PTPRG: variants seen among roughly 807,000 people sequenced by gnomAD.
PTPRG encodes protein tyrosine phosphatase receptor type G.
PTPRG carries 102 observed loss-of-function variants against 165.3 expected under a neutral mutation model. The ratio of observed to expected loss-of-function variants is 0.62; its 90% CI spans 0.53 to 0.73. PTPRG has a LOEUF of 0.73. Among genes scored for constraint, PTPRG ranks in the 30% least tolerant of loss-of-function variants. The pLI, the probability that PTPRG is intolerant of heterozygous loss-of-function variation, is 0.00. For missense variants in PTPRG, 1,866 were observed against 1,861.4 expected, an observed-to-expected ratio of 1.00 and a Z score of -0.05; for synonymous variants, 675 against 669.5, an observed-to-expected ratio of 1.01 and a Z score of -0.13.
intron 1 of PTPRG, among the ~76,000 whole-genome samples, chr3:61,729,751 T>TG (rs1366909469): frequency 6.6e-6 from 1 of 152,158 alleles, no homozygotes. Flanking sequence ...ATTTGAACAG[T>TG]GGTTATGGTT....
chr3:61,616,242 A>G (rs1189517152), intron 1 of PTPRG, among the ~76,000 whole-genome samples: 1 of 152,170 alleles, frequency 6.6e-6, no homozygotes, highest in Non-Finnish European at 1.5e-5. Context: ...GCGAGCCACC[A>G]TGCCCGGCTG....
chr3:62,266,832 A>G (rs566733831), intron 17 of PTPRG, among the ~76,000 whole-genome samples: 84 of 146,884 alleles, frequency 5.7e-4, no homozygotes, highest in African/African-American at 2.1e-3. Context: ...CTAGATACAC[A>G]TGTCATGCAT....
intron 8 of PTPRG, among the ~76,000 whole-genome samples, chr3:62,177,637 CT>C (rs1252223269): frequency 6.6e-6 from 1 of 152,184 alleles, no homozygotes; most frequent in East Asian, 1.9e-4. Flanking sequence ...CCGTCTTGTA[CT>C]TTCCTTCCCT....
At chr3:62,049,024 T>C (rs982350016) in intron 4 of PTPRG, among the ~76,000 whole-genome samples, 3 of 151,560 alleles carry the variant, frequency 2.0e-5, no homozygotes, top group Admixed American at 6.6e-5. Context: ...TCAGGAAATA[T>C]AAAATAGAAG....
chr3:61,941,079 C>T (rs910514337), intron 2 of PTPRG, among the ~76,000 whole-genome samples: 4 of 152,216 alleles, frequency 2.6e-5, no homozygotes, highest in Non-Finnish European at 4.4e-5. Flanking sequence ...CAGCTCTGTG[C>T]ACTCTTCTTC....
intron 1 of PTPRG, among the ~76,000 whole-genome samples, chr3:61,705,039 G>T (rs1440594384): frequency 6.6e-6 from 1 of 152,156 alleles, no homozygotes; most frequent in African/African-American, 2.4e-5. Context: ...GCCTGCTAGA[G>T]GTGTGAACAC....
chr3:62,024,766 T>C (rs1294838944), intron 4 of PTPRG, among the ~76,000 whole-genome samples: 1 of 152,212 alleles, frequency 6.6e-6, no homozygotes, highest in Non-Finnish European at 1.5e-5. Flanking sequence ...GTTTAACTAA[T>C]GAATTTACTT....
chr3:62,117,203 A>G (rs1479466537), intron 5 of PTPRG, among the ~76,000 whole-genome samples: 1 of 152,228 alleles, frequency 6.6e-6, no homozygotes, highest in Non-Finnish European at 1.5e-5. Context: ...GCAATGAAGC[A>G]TGCAATACAT....
intron 5 of PTPRG, among the ~76,000 whole-genome samples, chr3:62,102,515 C>T (rs560092163): frequency 6.6e-6 from 1 of 152,266 alleles, no homozygotes; most frequent in South Asian, 2.1e-4. Flanking sequence ...TCATGATCTG[C>T]CCACCTAAGC....
chr3:61,610,952 G>A (rs1701152021), intron 1 of PTPRG, among the ~76,000 whole-genome samples: 1 of 152,044 alleles, frequency 6.6e-6, no homozygotes, highest in African/African-American at 2.4e-5. Flanking sequence ...CACTACATGT[G>A]TGTGCCACCA....
chr3:62,025,075 T>TGGGAGCTG (rs1388463398), intron 4 of PTPRG, among the ~76,000 whole-genome samples: 1 of 152,182 alleles, frequency 6.6e-6, no homozygotes, highest in East Asian at 1.9e-4. Context: ...TATAATAGGC[T>TGGGAGCTG]GGGAGCTGGT....
intron 1 of PTPRG, among the ~76,000 whole-genome samples, chr3:61,623,161 C>G (rs1701508874): frequency 6.6e-6 from 1 of 152,102 alleles, no homozygotes; most frequent in Admixed American, 6.5e-5. Flanking sequence ...TTTTTTTGCT[C>G]AGGGTCTAAG....
chr3:61,941,774 A>ACT (rs933970511), intron 2 of PTPRG, among the ~76,000 whole-genome samples: 2 of 151,968 alleles, frequency 1.3e-5, no homozygotes, highest in African/African-American at 4.8e-5. Flanking sequence ...AAGAAGTTTG[A>ACT]CTCACACTCT....
At chr3:61,887,122 G>GTA (rs2038060872) in intron 2 of PTPRG, among the ~76,000 whole-genome samples, 1 of 43,238 alleles carries the variant, frequency 2.3e-5, no homozygotes, top group Non-Finnish European at 3.5e-5. Flanking sequence ...ACCATAGCAT[G>GTA]CATATATATA....
chr3:61,941,916 T>G (rs900301255), intron 2 of PTPRG, among the ~76,000 whole-genome samples: 12 of 151,914 alleles, frequency 7.9e-5, no homozygotes, highest in East Asian at 1.9e-4. Flanking sequence ...CCCAATACTT[T>G]GGAAGGTCGC....
chr3:62,189,365 C>T (rs1699747147), intron 8 of PTPRG, among the ~76,000 whole-genome samples: 1 of 152,112 alleles, frequency 6.6e-6, no homozygotes, highest in Non-Finnish European at 1.5e-5. Context: ...GCCATCCTGT[C>T]CCCAGAGCTG....
chr3:61,838,663 A>C (rs2036537140), intron 2 of PTPRG, among the ~76,000 whole-genome samples: 1 of 152,224 alleles, frequency 6.6e-6, no homozygotes, highest in Non-Finnish European at 1.5e-5. Flanking sequence ...TTTTAAAAAT[A>C]GTTGACTAAG....
chr3:61,768,198 A>G (rs142855468), intron 2 of PTPRG, among the ~76,000 whole-genome samples: 15 of 152,272 alleles, frequency 9.9e-5, no homozygotes, highest in African/African-American at 3.6e-4. Flanking sequence ...AAGCCACTAG[A>G]CCCACCATTT....
At chr3:61,596,556 C>G (rs1700705121) in intron 1 of PTPRG, among the ~76,000 whole-genome samples, 1 of 151,966 alleles carries the variant, frequency 6.6e-6, no homozygotes, top group Non-Finnish European at 1.5e-5. Context: ...TTAAAGCAAG[C>G]TATTTGTTTT....
Sources: gnomAD v4.1 joint callset for allele counts (sites outside exome capture counted in the v4.1 genomes callset) on GRCh38, gnomAD v4.1.1 for gene constraint, MANE v1.5 for transcripts, NCBI Gene and HGNC (gene_info 2026-07-23, HGNC 2026-07-21) for gene names.